GPC6: variants seen among roughly 807,000 people sequenced by gnomAD.
GPC6 encodes glypican-6.
A neutral mutation model predicts 55.2 loss-of-function variants in GPC6; 14 were observed. The ratio of observed to expected loss-of-function variants is 0.25; its 90% CI spans 0.17 to 0.40. GPC6 has a LOEUF of 0.40. Ranked by LOEUF, GPC6 falls within the 10% of genes least tolerant of loss-of-function variation. The pLI, the probability that GPC6 is intolerant of heterozygous loss-of-function variation, is 1.00. For missense variants in GPC6, 641 were observed against 708.5 expected, an observed-to-expected ratio of 0.90 and a Z score of 1.08; for synonymous variants, 278 against 259.6, an observed-to-expected ratio of 1.07 and a Z score of -0.68.
intron 3 of GPC6, among the ~76,000 whole-genome samples, chr13:93,896,794 T>C (rs1876037786): frequency 2.6e-5 from 4 of 152,034 alleles, no homozygotes; most frequent in African/African-American, 7.2e-5. Flanking sequence ...TTAGCCATCT[T>C]TTTAAATCAA....
intron 1 of GPC6, among the ~76,000 whole-genome samples, chr13:93,358,979 T>A (rs1481803660): frequency 7.9e-6 from 1 of 127,336 alleles, no homozygotes; most frequent in Non-Finnish European, 1.6e-5. Flanking sequence ...CTCTCTCTTT[T>A]TTTTTTTTTG....
intron 2 of GPC6, among the ~76,000 whole-genome samples, chr13:93,561,413 A>G (rs1429917126): frequency 7.0e-6 from 1 of 141,918 alleles, no homozygotes; most frequent in Non-Finnish European, 1.5e-5. Context: ...CGATATATAT[A>G]TATATATATA....
intron 2 of GPC6, among the ~76,000 whole-genome samples, chr13:93,584,540 AG>A (rs1187857148): frequency 1.3e-5 from 2 of 152,098 alleles, no homozygotes; most frequent in African/African-American, 2.4e-5. Flanking sequence ...TAATATGATA[AG>A]TAGTTTTATA....
chr13:94,351,029 T>TAGGGGA (rs1594195894), intron 6 of GPC6, among the ~76,000 whole-genome samples: 2 of 152,140 alleles, frequency 1.3e-5, no homozygotes, highest in East Asian at 3.9e-4. Flanking sequence ...AATTACTGGG[T>TAGGGGA]AGGGGAAGGG....
intron 1 of GPC6, among the ~76,000 whole-genome samples, chr13:93,378,691 GT>G (rs1444999754): frequency 7.2e-5 from 11 of 152,108 alleles, no homozygotes; most frequent in African/African-American, 2.6e-4. Context: ...TATCCTTATT[GT>G]TTTTAAAAAT....
chr13:93,422,662 C>T (rs771892880), intron 1 of GPC6, among the ~76,000 whole-genome samples: 7 of 152,138 alleles, frequency 4.6e-5, no homozygotes, highest in Non-Finnish European at 7.4e-5. Context: ...GAACAAAAGA[C>T]AGGCAGATTT....
intron 3 of GPC6, among the ~76,000 whole-genome samples, chr13:94,023,571 TAC>T (rs1468614389): frequency 2.6e-5 from 4 of 152,042 alleles, no homozygotes; most frequent in African/African-American, 9.7e-5. Flanking sequence ...AGCGATTTCT[TAC>T]AAAACGAAAC....
At chr13:93,738,067 A>G (rs543175106) in intron 2 of GPC6, among the ~76,000 whole-genome samples, 21 of 152,264 alleles carry the variant, frequency 1.4e-4, no homozygotes, top group African/African-American at 4.8e-4. Flanking sequence ...ACGTCATAGG[A>G]TATCAGTGAA....
intron 3 of GPC6, among the ~76,000 whole-genome samples, chr13:93,886,762 T>G (rs563919087): frequency 1.1e-3 from 131 of 118,700 alleles, no homozygotes; most frequent in African/African-American, 2.7e-3. Context: ...TTTTTTTTGT[T>G]TTTTTTTTTT....
At chr13:93,264,268 C>T (rs979615375) in intron 1 of GPC6, among the ~76,000 whole-genome samples, 1 of 152,108 alleles carries the variant, frequency 6.6e-6, no homozygotes, top group Non-Finnish European at 1.5e-5. Context: ...AAACAAAGTA[C>T]AGATATCCCT....
intron 4 of GPC6, among the ~76,000 whole-genome samples, chr13:94,086,410 A>C (rs986500177): frequency 6.6e-6 from 1 of 151,916 alleles, no homozygotes. Flanking sequence ...AGGATTGCAC[A>C]CCCCAGCCAT....
intron 8 of GPC6, among the ~76,000 whole-genome samples, chr13:94,402,020 C>A (rs552807712): frequency 6.6e-6 from 1 of 152,220 alleles, no homozygotes; most frequent in Non-Finnish European, 1.5e-5. Context: ...TGTAAATAAA[C>A]CATTTTGGAG....
At chr13:93,988,083 G>A (rs1321849419) in intron 3 of GPC6, among the ~76,000 whole-genome samples, 5 of 151,966 alleles carry the variant, frequency 3.3e-5, no homozygotes, top group Non-Finnish European at 7.4e-5. Context: ...AATGTGACTC[G>A]GCCTCAGAAT....
At chr13:93,946,719 C>A (rs536121854) in intron 3 of GPC6, among the ~76,000 whole-genome samples, 1 of 152,306 alleles carries the variant, frequency 6.6e-6, no homozygotes, top group East Asian at 1.9e-4. Context: ...AGACTATCAA[C>A]CCCAAGCTCA....
intron 4 of GPC6, among the ~76,000 whole-genome samples, chr13:94,258,911 A>C (rs1046521677): frequency 3.3e-5 from 5 of 152,186 alleles, no homozygotes; most frequent in African/African-American, 1.2e-4. Flanking sequence ...TCAAGGCATC[A>C]AACAGAGATG....
chr13:94,259,915 C>T (rs1048470043), intron 4 of GPC6, among the ~76,000 whole-genome samples: 9 of 152,140 alleles, frequency 5.9e-5, no homozygotes, highest in Admixed American at 2.6e-4. Context: ...CACACACACA[C>T]GCACACGATA....
intron 2 of GPC6, among the ~76,000 whole-genome samples, chr13:93,648,740 G>T (rs2139595976): frequency 6.6e-6 from 1 of 152,234 alleles, no homozygotes; most frequent in African/African-American, 2.4e-5. Context: ...GCATTATCTT[G>T]TAGCATACAC....
At chr13:93,311,033 A>G (rs1345080317) in intron 1 of GPC6, among the ~76,000 whole-genome samples, 1 of 152,222 alleles carries the variant, frequency 6.6e-6, no homozygotes, top group Non-Finnish European at 1.5e-5. Context: ...ATAAAAATGA[A>G]GAGTTGGGTC....
chr13:93,975,439 A>G (rs963921380), intron 3 of GPC6, among the ~76,000 whole-genome samples: 2 of 152,144 alleles, frequency 1.3e-5, no homozygotes, highest in African/African-American at 4.8e-5. Flanking sequence ...CAAGTTATTC[A>G]TGAATGATGA....
Sources: allele counts gnomAD v4.1 joint callset (sites outside exome capture counted in the v4.1 genomes callset), GRCh38; gene constraint gnomAD v4.1.1; transcripts MANE v1.5; gene names NCBI Gene and HGNC (gene_info 2026-07-23, HGNC 2026-07-21).